LRP1B: variants seen among roughly 807,000 people sequenced by gnomAD.
The protein encoded by LRP1B is low-density lipoprotein receptor-related protein 1B.
In LRP1B, 217 loss-of-function variants were observed where a neutral mutation model predicts 556.6. The ratio of observed to expected loss-of-function variants is 0.39; its 90% CI spans 0.35 to 0.44. The LOEUF (loss-of-function observed/expected upper bound fraction) is 0.44. LRP1B is among the 20% of genes least tolerant of loss of function. The pLI is 1.00. For synonymous variants in LRP1B, 2,047 were observed against 1,865.8 expected (o/e 1.10, Z -2.50); for missense variants, 5,053 against 5,620.8 (o/e 0.90, Z 3.23).
At chr2:142,042,202 C>A (rs1398400432) in intron 1 of LRP1B, among the ~76,000 whole-genome samples, 1 of 151,214 alleles carries the variant, frequency 6.6e-6, no homozygotes, top group African/African-American at 2.4e-5. Context: ...TGATAATAAG[C>A]CTTACTTGGC....
At position 140,874,749 on chromosome 2, in the gene LRP1B, T is replaced by A. The variant is rs140257859; in HGVS notation, c.4170-6486A>T. ...AAAAAGGACACCAGGCTGGGCGTGG[T>A]GGCTCATGCCTGTAATCCCAGCACT... On this transcript the variant is annotated intron_variant, in intron 25 of 90. Coordinates refer to ENST00000389484, the MANE Select transcript of LRP1B (RefSeq NM_018557.3). 3.2e-3 allele frequency among the ~76,000 whole-genome samples: 493 copies of A among 152,202 alleles called. 19 individuals carry two copies. In the East Asian group the frequency reaches 0.084, roughly 26 times the overall value.
chr2:141,553,681 A>T (rs1685838138), intron 2 of LRP1B, among the ~76,000 whole-genome samples: 1 of 144,670 alleles, frequency 6.9e-6, no homozygotes, highest in Admixed American at 7.1e-5. Context: ...ATAGATATAT[A>T]TCATATAGAA....
chr2:140,678,513 A>G (rs998760464), intron 41 of LRP1B, among the ~76,000 whole-genome samples: 1 of 152,162 alleles, frequency 6.6e-6, no homozygotes, highest in African/African-American at 2.4e-5. Context: ...TGGACAAGGC[A>G]TTTTTTCCCC....
intron 1 of LRP1B, among the ~76,000 whole-genome samples, chr2:142,083,844 A>C (rs1461183592): frequency 6.6e-6 from 1 of 152,378 alleles, no homozygotes; most frequent in South Asian, 2.1e-4. Flanking sequence ...TTCTGCAAAC[A>C]CAAACAAGCA....
At chr2:141,484,119 C>T (rs1370365228) in intron 2 of LRP1B, among the ~76,000 whole-genome samples, 2 of 151,274 alleles carry the variant, frequency 1.3e-5, no homozygotes, top group African/African-American at 4.9e-5. Context: ...GTCTTTAATC[C>T]ATCTTGAATT....
chr2:140,865,586 C>T (rs187105297), intron 27 of LRP1B, among the ~76,000 whole-genome samples: 1 of 152,044 alleles, frequency 6.6e-6, no homozygotes, highest in Non-Finnish European at 1.5e-5. Flanking sequence ...TTATTATATG[C>T]TCAGTGATCC....
chr2:141,301,283 A>G (rs1303697717), intron 3 of LRP1B, among the ~76,000 whole-genome samples: 1 of 152,208 alleles, frequency 6.6e-6, no homozygotes, highest in Non-Finnish European at 1.5e-5. Context: ...TTTTATCTAA[A>G]TAATGAAGTG....
At chr2:141,529,779 G>A (rs1684808459) in intron 2 of LRP1B, among the ~76,000 whole-genome samples, 1 of 152,098 alleles carries the variant, frequency 6.6e-6, no homozygotes, top group Admixed American at 6.6e-5. Context: ...TCTTGGTAGT[G>A]AGAGATAAAA....
chr2:141,961,261 C>A (rs1227392388), intron 1 of LRP1B, among the ~76,000 whole-genome samples: 1 of 151,520 alleles, frequency 6.6e-6, no homozygotes, highest in Non-Finnish European at 1.5e-5. Context: ...TATGTTGGAT[C>A]CTGCTCTTTG....
chr2:141,477,328 A>C lies in LRP1B; in HGVS notation c.343+3068T>G, dbSNP rs554026028. Among the ~76,000 whole-genome samples, 4 of 152,106 alleles carry C rather than the reference A, an allele frequency of 2.6e-5. No individual in the cohort carries two copies. In the East Asian group the frequency reaches 7.7e-4, roughly 29 times the overall value. On this transcript the variant is annotated intron_variant, in intron 3 of 90. Transcript: ENST00000389484. Reference sequence around the variant, plus strand: ...AAAAAAAAAAGAAAGAATTTCCAAAAAGAAAGGTAACGTTTGAATTAATCT... The same window carrying C: ...AAAAAAAAAAGAAAGAATTTCCAAACAGAAAGGTAACGTTTGAATTAATCT...
chr2:141,434,635 G>T (rs1680687301), intron 3 of LRP1B, among the ~76,000 whole-genome samples: 2 of 151,922 alleles, frequency 1.3e-5, no homozygotes, highest in African/African-American at 2.4e-5. Flanking sequence ...CCTTGTATTT[G>T]TGTCACACAT....
At chr2:140,301,014 TTA>T (rs1683797248) in intron 83 of LRP1B, among the ~76,000 whole-genome samples, 1 of 152,156 alleles carries the variant, frequency 6.6e-6, no homozygotes, top group South Asian at 2.1e-4. Flanking sequence ...TTATTAAATT[TTA>T]TGTTTTATCT....
chr2:141,573,635 C>CAAA (rs56779099), intron 2 of LRP1B, among the ~76,000 whole-genome samples: 11 of 115,454 alleles, frequency 9.5e-5, no homozygotes, highest in African/African-American at 3.5e-4. Flanking sequence ...AAAAACCCTC[C>CAAA]AAAAAAAAAA....
At chr2:141,305,363 G>C (rs1219142110) in intron 3 of LRP1B, among the ~76,000 whole-genome samples, 1 of 152,068 alleles carries the variant, frequency 6.6e-6, no homozygotes, top group Admixed American at 6.5e-5. Context: ...TTGTAAATGG[G>C]ATTGCCTTCT....
chr2:140,526,095 A>G, intron 48 of LRP1B, 102 bp from the exon 49 acceptor site: 1 of 1,378,404 alleles, frequency 7.3e-7, no homozygotes, highest in Non-Finnish European at 1.0e-6. Flanking sequence ...TCATTTGAGG[A>G]AATAGATACG....
At chr2:142,055,799 TA>T (rs746325230) in intron 1 of LRP1B, among the ~76,000 whole-genome samples, 4 of 152,144 alleles carry the variant, frequency 2.6e-5, no homozygotes, top group Non-Finnish European at 5.9e-5. Flanking sequence ...TGCAAGGCTT[TA>T]CTAAAAATTT....
intron 43 of LRP1B, among the ~76,000 whole-genome samples, chr2:140,550,212 G>A (rs1234971290): frequency 6.6e-6 from 1 of 152,008 alleles, no homozygotes; most frequent in African/African-American, 2.4e-5. Context: ...GAGTATTTTG[G>A]CATTGAACTG....
chr2:141,558,340 A>G (rs1376666607), intron 2 of LRP1B, among the ~76,000 whole-genome samples: 1 of 151,774 alleles, frequency 6.6e-6, no homozygotes, highest in Admixed American at 6.6e-5. Context: ...AGGCCTTATG[A>G]GAAAAAAGAG....
At chr2:140,700,680 A>G (rs2105422564) in intron 40 of LRP1B, 59 bp from the exon 41 acceptor site, 2 of 1,536,942 alleles carry the variant, frequency 1.3e-6, no homozygotes, top group Non-Finnish European at 1.8e-6. Context: ...TGTTTTTGAA[A>G]CAAAATTCTC....
Sources: allele counts gnomAD v4.1 joint callset (sites outside exome capture counted in the v4.1 genomes callset), GRCh38; gene constraint gnomAD v4.1.1; transcripts MANE v1.5; gene names NCBI Gene and HGNC (gene_info 2026-07-23, HGNC 2026-07-21).